The following TRIP4 variants were observed in gnomAD, a reference collection of about 807,000 sequenced individuals.
The protein encoded by TRIP4 is thyroid hormone receptor interactor 4, also known as activating signal cointegrator 1.
A neutral mutation model predicts 81.8 loss-of-function variants in TRIP4; 54 were observed. The observed-to-expected ratio is 0.66, with a 90% CI of 0.53 to 0.83. The LOEUF (loss-of-function observed/expected upper bound fraction) is 0.83, where lower values mean the gene tolerates loss of function less well. Among genes scored for constraint, TRIP4 ranks in the 40% least tolerant of loss-of-function variants. TRIP4 has a pLI of 0.00. For missense variants in TRIP4, 662 were observed against 683.6 expected (o/e 0.97, Z 0.35); for synonymous variants, 270 against 242.8 (o/e 1.11, Z -1.04).
At chr15:64,427,995 T>C (rs1892186733) in intron 11 of TRIP4, among the ~76,000 whole-genome samples, 1 of 151,928 alleles carries the variant, frequency 6.6e-6, no homozygotes, top group South Asian at 2.1e-4. Flanking sequence ...ATTATAAAAA[T>C]ACCTTACACT....
intron 3 of TRIP4, among the ~76,000 whole-genome samples, chr15:64,395,899 C>T (rs1900277618): frequency 7.3e-6 from 1 of 137,886 alleles, no homozygotes; most frequent in African/African-American, 2.6e-5. Context: ...CGCCACCATA[C>T]CCAGCTAATT....
Position 64,409,190 on chromosome 15 carries a change from C to CA in TRIP4, c.828-409dup, listed in dbSNP as rs779332196. ...TGAGCGACAGAACGAGACTCTGTCT[C>CA]AAAAAAAAAAAAAAGGTAAATAGTT... On this transcript the variant is annotated intron_variant, in intron 6 of 12. Transcript: ENST00000261884. 1.0e-3 allele frequency among the ~76,000 whole-genome samples: 123 copies of CA among 123,042 alleles called. 1 individual carries two copies. The highest frequency in any genetic ancestry group is 2.1e-3 in the South Asian group (8 of 3,898). 80.7% of individuals were successfully genotyped at this position (123,042 alleles called of 152,430 possible).
chr15:64,426,217 A>G (rs1452554441), intron 11 of TRIP4, among the ~76,000 whole-genome samples: 2 of 152,138 alleles, frequency 1.3e-5, no homozygotes, highest in Admixed American at 1.3e-4. Flanking sequence ...TGGGAATACT[A>G]GGATCTGTTA....
chr15:64,395,988 A>T lies in TRIP4; in HGVS notation c.405+457A>T, dbSNP rs113213500. Among the ~76,000 whole-genome samples, 506 of 151,616 alleles carry T rather than the reference A, an allele frequency of 3.3e-3. 1 individual carries two copies. The highest frequency in any genetic ancestry group is 6.2e-3 in the Non-Finnish European group (422 of 67,938). On this transcript the variant is annotated intron_variant, in intron 3 of 12. Transcript: ENST00000261884. ...CAGTGGTGTAATCTCAGCTCACCAC[A>T]ACCTCTGCCTCCTGGGTTCAAGCGA... is the stretch of plus-strand genomic sequence containing the variant.
chr15:64,393,339 A>G (rs76269323), intron 1 of TRIP4: 1 of 62,148 alleles, frequency 1.6e-5, no homozygotes, highest in Non-Finnish European at 5.7e-5. Flanking sequence ...TTTTTTTTTT[A>G]GTAGAGACAG....
At chr15:64,417,475 AT>A (rs1777241504) in intron 8 of TRIP4, among the ~76,000 whole-genome samples, 5 of 148,694 alleles carry the variant, frequency 3.4e-5, no homozygotes, top group Non-Finnish European at 6.0e-5. Flanking sequence ...TTTAAAAAAG[AT>A]AACCCCAAAT....
intron 5 of TRIP4, among the ~76,000 whole-genome samples, chr15:64,401,366 A>C (rs1459556504): frequency 6.6e-6 from 1 of 151,774 alleles, no homozygotes; most frequent in African/African-American, 2.4e-5. Context: ...TGATCTCCTG[A>C]CCTCATGATC....
intron 6 of TRIP4, among the ~76,000 whole-genome samples, chr15:64,406,856 T>C (rs1164006980): frequency 6.6e-6 from 1 of 152,254 alleles, no homozygotes; most frequent in African/African-American, 2.4e-5. Context: ...ACACAGGTTA[T>C]GCCCTATCAT....
intron 9 of TRIP4, among the ~76,000 whole-genome samples, chr15:64,422,369 T>C (rs891896444): frequency 1.3e-5 from 2 of 152,216 alleles, no homozygotes; most frequent in Admixed American, 6.5e-5. Flanking sequence ...CAAATGATTA[T>C]CAGCATTTAG....
intron 4 of TRIP4, among the ~76,000 whole-genome samples, chr15:64,398,504 A>G (rs1325628741): frequency 1.3e-5 from 2 of 151,560 alleles, no homozygotes; most frequent in African/African-American, 4.8e-5. Context: ...TAGCATTTAC[A>G]TGAGGGGCTG....
intron 1 of TRIP4, among the ~76,000 whole-genome samples, chr15:64,390,935 A>G (rs1017806196): frequency 1.3e-5 from 2 of 152,048 alleles, no homozygotes; most frequent in African/African-American, 2.4e-5. Flanking sequence ...GAAGGAGGTC[A>G]GTGCCCGTCG....
Position 64,397,666 on chromosome 15 carries a change from G to C in TRIP4, c.466G>C (p.Glu156Gln). 1 of 1,614,182 alleles carries C rather than the reference G, an allele frequency of 6.2e-7. No homozygotes were observed. The highest frequency in any genetic ancestry group is 8.5e-7 in the Non-Finnish European group (1 of 1,180,038). ...AAAGTTTGTCAATTTATACACAAGA[G>C]AGGGACAGGACAGGCTTGCAGTCCT... ...KTKFVNLYTR[E>Q]GQDRLAVLLP... Residue 156 changes from glutamate (E) to glutamine (Q), a missense_variant, in exon 4 of 13, where the codon GAG becomes CAG. Physicochemically the swap from Glu to Gln is conservative, Grantham distance 29. Transcript: ENST00000261884.
intron 12 of TRIP4, among the ~76,000 whole-genome samples, chr15:64,445,678 A>AAG (rs1316764215): frequency 6.6e-6 from 1 of 151,318 alleles, no homozygotes; most frequent in Non-Finnish European, 1.5e-5. Context: ...AAAAAAAAAA[A>AAG]AAAAAAAAAA....
intron 12 of TRIP4, among the ~76,000 whole-genome samples, chr15:64,447,736 G>A (rs1490966682): frequency 1.3e-5 from 2 of 152,112 alleles, no homozygotes; most frequent in Non-Finnish European, 2.9e-5. Context: ...TTTTGAGATA[G>A]GGCCTTGGCC....
chr15:64,435,610 G>T (rs1392093497), intron 11 of TRIP4, among the ~76,000 whole-genome samples: 1 of 150,184 alleles, frequency 6.7e-6, no homozygotes, highest in Non-Finnish European at 1.5e-5. Flanking sequence ...TCTGTCATGT[G>T]CCAGGCACTG....
At chr15:64,436,450 G>C (rs1028114729) in intron 11 of TRIP4, among the ~76,000 whole-genome samples, 1 of 151,596 alleles carries the variant, frequency 6.6e-6, no homozygotes, top group African/African-American at 2.4e-5. Context: ...AAATTAGTTG[G>C]GCATGGTGGC....
chr15:64,390,811 C>T (rs1162294368), intron 1 of TRIP4, among the ~76,000 whole-genome samples: 1 of 151,774 alleles, frequency 6.6e-6, no homozygotes, highest in East Asian at 2.0e-4. Flanking sequence ...AGGAGAATCG[C>T]TTGAACCCAG....
At chr15:64,388,381 A>G (rs1346261530) in intron 1 of TRIP4, among the ~76,000 whole-genome samples, 1 of 152,148 alleles carries the variant, frequency 6.6e-6, no homozygotes, top group Non-Finnish European at 1.5e-5. Flanking sequence ...ATCTTGGCTC[A>G]CTGCAACCTC....
intron 12 of TRIP4, among the ~76,000 whole-genome samples, chr15:64,454,783 A>C (rs953384133): frequency 6.6e-6 from 1 of 152,198 alleles, no homozygotes; most frequent in East Asian, 1.9e-4. Flanking sequence ...CTTAGGACAA[A>C]TACTCATTGT....
Sources: gnomAD v4.1 joint callset for allele counts (sites outside exome capture counted in the v4.1 genomes callset) on GRCh38, gnomAD v4.1.1 for gene constraint, MANE v1.5 for transcripts, NCBI Gene and HGNC (gene_info 2026-07-23, HGNC 2026-07-21) for gene names.